NDUFAF2: variants seen among roughly 807,000 people sequenced by gnomAD.
NDUFAF2 encodes NADH:ubiquinone oxidoreductase complex assembly factor 2, also known as NADH dehydrogenase [ubiquinone] 1 alpha subcomplex assembly factor 2.
Under a neutral mutation model 22.8 loss-of-function variants are expected in NDUFAF2, and 13 were observed. The ratio of observed to expected loss-of-function variants is 0.57; its 90% CI spans 0.37 to 0.91. NDUFAF2 has a LOEUF of 0.91. Among genes scored for constraint, NDUFAF2 ranks in the 40% least tolerant of loss-of-function variants. The pLI is 0.01. For synonymous variants in NDUFAF2, 53 were observed against 64.2 expected, an observed-to-expected ratio of 0.83 and a Z score of 0.84; for missense variants, 162 against 195.2, an observed-to-expected ratio of 0.83 and a Z score of 1.01.
chr5:60,953,280 T>A (rs573297039), intron 1 of NDUFAF2, among the ~76,000 whole-genome samples: 4 of 152,240 alleles, frequency 2.6e-5, no homozygotes, highest in Non-Finnish European at 5.9e-5. Flanking sequence ...GGGTTTTTTT[T>A]AAAACAAACA....
intron 1 of NDUFAF2, among the ~76,000 whole-genome samples, chr5:61,044,408 A>G (rs530231782): frequency 6.6e-6 from 1 of 152,216 alleles, no homozygotes; most frequent in East Asian, 1.9e-4. Context: ...TTTTGGTATC[A>G]TATCCAAGAC....
intron 1 of NDUFAF2, among the ~76,000 whole-genome samples, chr5:60,995,629 T>C (rs1006129642): frequency 1.3e-5 from 2 of 152,340 alleles, no homozygotes. Context: ...ATGTCAGACC[T>C]GAAGCCAACA....
intron 3 of NDUFAF2, among the ~76,000 whole-genome samples, chr5:61,123,514 G>A (rs983565363): frequency 3.9e-5 from 6 of 152,238 alleles, no homozygotes; most frequent in East Asian, 1.9e-4. Flanking sequence ...TGGGACCACC[G>A]TCTTATATGC....
intron 1 of NDUFAF2, among the ~76,000 whole-genome samples, chr5:60,962,948 C>T (rs377495431): frequency 4.1e-4 from 63 of 152,052 alleles, no homozygotes; most frequent in Non-Finnish European, 1.0e-4. Context: ...TGCAGTGGCG[C>T]GATCTCGGCT....
chr5:61,146,296 T>C (rs1325995485), intron 3 of NDUFAF2: 1 of 152,032 alleles, frequency 6.6e-6, no homozygotes, highest in Non-Finnish European at 1.5e-5. Flanking sequence ...GGACGTAGAG[T>C]TTTAGGGTAT....
chr5:61,111,721 C>T (rs1302305535), intron 3 of NDUFAF2, among the ~76,000 whole-genome samples: 1 of 151,868 alleles, frequency 6.6e-6, no homozygotes, highest in Non-Finnish European at 1.5e-5. Flanking sequence ...TGGGTTTACA[C>T]CATTCTCCTG....
At chr5:61,135,740 A>C (rs930156498) in intron 3 of NDUFAF2, among the ~76,000 whole-genome samples, 8 of 152,054 alleles carry the variant, frequency 5.3e-5, no homozygotes, top group Non-Finnish European at 1.0e-4. Flanking sequence ...GTAAAGAAAC[A>C]TGTTAGATGA....
chr5:61,148,572 C>G (rs982391530), intron 3 of NDUFAF2, among the ~76,000 whole-genome samples: 1 of 152,190 alleles, frequency 6.6e-6, no homozygotes, highest in Non-Finnish European at 1.5e-5. Flanking sequence ...CCAACCTTTA[C>G]AACAGCCCAT....
intron 1 of NDUFAF2, among the ~76,000 whole-genome samples, chr5:60,946,452 C>A (rs936457350): frequency 2.0e-5 from 3 of 152,092 alleles, no homozygotes; most frequent in African/African-American, 7.2e-5. Context: ...TTTTCTGTAA[C>A]TTATTTTAAT....
intron 1 of NDUFAF2, among the ~76,000 whole-genome samples, chr5:61,025,987 A>G (rs1370182645): frequency 1.3e-5 from 2 of 152,084 alleles, no homozygotes; most frequent in South Asian, 2.1e-4. Context: ...TTTAAATGGA[A>G]TGAAGGAATA....
chr5:61,114,819 C>T (rs1486751809), intron 3 of NDUFAF2: 2 of 151,996 alleles, frequency 1.3e-5, no homozygotes, highest in Non-Finnish European at 2.9e-5. Context: ...TCTTGGTGGT[C>T]TTGGATAAGA....
chr5:61,078,230 T>C (rs1292499285), intron 2 of NDUFAF2, among the ~76,000 whole-genome samples: 1 of 151,152 alleles, frequency 6.6e-6, no homozygotes, highest in East Asian at 2.0e-4. Flanking sequence ...ATAGGATCCT[T>C]ACCTTATTCA....
At chr5:61,079,144 A>G (rs1752407750) in intron 2 of NDUFAF2, among the ~76,000 whole-genome samples, 1 of 152,222 alleles carries the variant, frequency 6.6e-6, no homozygotes, top group South Asian at 2.1e-4. Flanking sequence ...CTTTTTAGGT[A>G]TATTAGACCA....
rs551710042 is a variant in NDUFAF2 at position 60,960,796 on chromosome 5, C to A, written c.127+15414C>A. Among the ~76,000 whole-genome samples, 9 of 151,960 alleles carry A rather than the reference C, an allele frequency of 5.9e-5. No homozygotes were observed. The South Asian group carries it at 1.9e-3, about 32-fold the overall frequency. ...GTTTTTTTGCTTTTATCTTTATTTC[C>A]GTTTAGGTGACTGGTGCCTCCATCT... On this transcript the variant is annotated intron_variant, in intron 1 of 3. Coordinates refer to ENST00000296597, the MANE Select transcript of NDUFAF2 (RefSeq NM_174889.5).
chr5:61,049,947 CTT>C (rs139939269), intron 1 of NDUFAF2, among the ~76,000 whole-genome samples: 1,729 of 150,906 alleles, frequency 0.011, 19 homozygotes, highest in South Asian at 0.04. Context: ...ATGAGGGACA[CTT>C]GGGTTGTTTC....
rs368441523 is a variant in NDUFAF2 at position 61,105,572 on chromosome 5, A to G, written c.258+6540A>G. ...AAATGAATGAAAAAAAAAACTTAAGAATGAACTGGAGCTGTATGTTTTAAC... is the reference window on the plus strand; with the variant it reads ...AAATGAATGAAAAAAAAAACTTAAGGATGAACTGGAGCTGTATGTTTTAAC... On this transcript the variant is annotated intron_variant, in intron 3 of 3. Transcript: ENST00000296597. Among the ~76,000 whole-genome samples the G allele has an allele frequency of 1.6e-4, 24 of 150,636 alleles. No homozygotes were observed. In the East Asian group the frequency reaches 3.7e-3, roughly 23 times the overall value.
Position 61,073,111 on chromosome 5 carries a change from C to G in NDUFAF2, c.128-14C>G, listed in dbSNP as rs537327206. ...GGTTCATTTAAAAATGTATTAATGA[C>G]TTTTGTCTTATAGGACAAACTATTC... On this transcript the variant is annotated splice_polypyrimidine_tract_variant and intron_variant, in intron 1 of 3. Transcript: ENST00000296597. 1.5e-5 allele frequency: 23 copies of G among 1,551,012 alleles called. No individual in the cohort carries two copies. The South Asian group carries it at 2.2e-4, about 15-fold the overall frequency.
At chr5:60,967,620 A>T (rs1464170757) in intron 1 of NDUFAF2, among the ~76,000 whole-genome samples, 1 of 151,314 alleles carries the variant, frequency 6.6e-6, no homozygotes, top group African/African-American at 2.4e-5. Flanking sequence ...TTTGTCCTTC[A>T]TTCTGTTATT....
chr5:61,070,204 A>G (rs1752277854), intron 1 of NDUFAF2, among the ~76,000 whole-genome samples: 1 of 152,150 alleles, frequency 6.6e-6, no homozygotes, highest in African/African-American at 2.4e-5. Flanking sequence ...AGGTACTTAA[A>G]TTTGCTGTAT....
Sources: allele counts gnomAD v4.1 joint callset (sites outside exome capture counted in the v4.1 genomes callset), GRCh38; gene constraint gnomAD v4.1.1; transcripts MANE v1.5; gene names NCBI Gene and HGNC (gene_info 2026-07-23, HGNC 2026-07-21).